DPP10: variants seen among roughly 807,000 people sequenced by gnomAD.
The protein encoded by DPP10 is inactive dipeptidyl peptidase 10.
DPP10 carries 33 observed loss-of-function variants against 120.9 expected under a neutral mutation model. The observed-to-expected ratio is 0.27, with a 90% CI of 0.21 to 0.37. The LOEUF is 0.37. DPP10 is among the 10% of genes least tolerant of loss of function. The pLI, the probability that DPP10 is intolerant of heterozygous loss-of-function variation, is 1.00. For synonymous variants in DPP10, 337 were observed against 326.1 expected, an observed-to-expected ratio of 1.03 and a Z score of -0.36; for missense variants, 816 against 942.8, an observed-to-expected ratio of 0.87 and a Z score of 1.76.
intron 5 of DPP10, among the ~76,000 whole-genome samples, chr2:115,638,370 C>T (rs1314673645): frequency 6.6e-6 from 1 of 152,162 alleles, no homozygotes; most frequent in African/African-American, 2.4e-5. Flanking sequence ...AGAAGGTTAA[C>T]ACAATTTGCA....
chr2:115,529,658 A>G, intron 5 of DPP10, among the ~76,000 whole-genome samples: 1 of 152,260 alleles, frequency 6.6e-6, no homozygotes, highest in South Asian at 2.1e-4. Context: ...AAAAGTAGTA[A>G]AAAATGATCA....
chr2:114,559,891 C>CAAAAAAAAAAAAAAAAAAAAAAAA (rs60833358), intron 1 of DPP10, among the ~76,000 whole-genome samples: 9 of 65,890 alleles, frequency 1.4e-4, no homozygotes, highest in Non-Finnish European at 1.6e-4. Context: ...AGAAAAAAAG[C>CAAAAAAAAAAAAAAAAAAAAAAAA]AAAAAAAAAA....
intron 3 of DPP10, among the ~76,000 whole-genome samples, chr2:115,409,427 A>G (rs1285410075): frequency 6.6e-6 from 1 of 152,220 alleles, no homozygotes; most frequent in Non-Finnish European, 1.5e-5. Flanking sequence ...AACATCACTA[A>G]TGATTAGGGA....
intron 1 of DPP10, among the ~76,000 whole-genome samples, chr2:114,553,345 A>C (rs1229241808): frequency 6.6e-6 from 1 of 152,194 alleles, no homozygotes; most frequent in East Asian, 1.9e-4. Flanking sequence ...AATTGGATCC[A>C]CAGCTGGAGT....
intron 21 of DPP10, among the ~76,000 whole-genome samples, chr2:115,818,119 A>G (rs1418643453): frequency 1.3e-5 from 2 of 152,228 alleles, no homozygotes; most frequent in Non-Finnish European, 2.9e-5. Flanking sequence ...ATGTGAGTGC[A>G]AATGAGAGCA....
At chr2:114,655,052 G>A (rs759806767) in intron 1 of DPP10, among the ~76,000 whole-genome samples, 4 of 152,098 alleles carry the variant, frequency 2.6e-5, no homozygotes. Context: ...TAACTTCGGT[G>A]CTTCATACAC....
chr2:114,702,674 C>G (rs1446530004), intron 1 of DPP10, among the ~76,000 whole-genome samples: 1 of 152,072 alleles, frequency 6.6e-6, no homozygotes, highest in African/African-American at 2.4e-5. Flanking sequence ...TTGTCATATT[C>G]AACGCTGATG....
intron 5 of DPP10, among the ~76,000 whole-genome samples, chr2:115,632,720 A>C (rs1466543018): frequency 6.6e-6 from 1 of 152,206 alleles, no homozygotes; most frequent in East Asian, 1.9e-4. Flanking sequence ...TAAAAAACTT[A>C]AATAAATTTA....
intron 1 of DPP10, among the ~76,000 whole-genome samples, chr2:114,768,426 T>C (rs1282859105): frequency 6.6e-6 from 1 of 152,176 alleles, no homozygotes; most frequent in Non-Finnish European, 1.5e-5. Context: ...ATAATCTCTG[T>C]GTGAGGTTTA....
At chr2:115,040,196 A>G (rs1704531210) in intron 1 of DPP10, among the ~76,000 whole-genome samples, 1 of 152,056 alleles carries the variant, frequency 6.6e-6, no homozygotes, top group Non-Finnish European at 1.5e-5. Flanking sequence ...ACAATTTGAC[A>G]TGAGATTTGG....
chr2:115,099,039 C>T (rs907705430), intron 1 of DPP10, among the ~76,000 whole-genome samples: 12 of 150,500 alleles, frequency 8.0e-5, no homozygotes, highest in African/African-American at 2.2e-4. Context: ...AATCCTAGCA[C>T]TTTGGGAGGC....
chr2:115,433,980 A>G (rs181742787), intron 3 of DPP10, among the ~76,000 whole-genome samples: 21 of 152,114 alleles, frequency 1.4e-4, no homozygotes, highest in African/African-American at 4.6e-4. Flanking sequence ...TCTTTAAATA[A>G]ATAACTTCTG....
chr2:114,796,819 T>G (rs1417873695), intron 1 of DPP10, among the ~76,000 whole-genome samples: 1 of 152,222 alleles, frequency 6.6e-6, no homozygotes, highest in Non-Finnish European at 1.5e-5. Context: ...CAATTTGACT[T>G]TAGGTCCAGT....
intron 5 of DPP10, among the ~76,000 whole-genome samples, chr2:115,583,826 C>G (rs1293979100): frequency 1.3e-5 from 2 of 152,146 alleles, no homozygotes; most frequent in African/African-American, 4.8e-5. Context: ...GATAAGCATG[C>G]TGGTATCTGA....
At chr2:115,543,133 A>G (rs1284477087) in intron 5 of DPP10, among the ~76,000 whole-genome samples, 1 of 151,960 alleles carries the variant, frequency 6.6e-6, no homozygotes, top group Admixed American at 6.6e-5. Context: ...AAGAACAGAG[A>G]TAGCACCTCG....
At chr2:115,501,247 C>T (rs1165772181) in intron 4 of DPP10, among the ~76,000 whole-genome samples, 1 of 152,056 alleles carries the variant, frequency 6.6e-6, no homozygotes, top group Non-Finnish European at 1.5e-5. Flanking sequence ...TTTCCCCCAT[C>T]ACTAATTATG....
chr2:115,064,786 C>G (rs1277421132), intron 1 of DPP10: 2 of 1,304,038 alleles, frequency 1.5e-6, no homozygotes, highest in Admixed American at 2.3e-5. Context: ...GCTGAGGGAC[C>G]AGTAGATGGT....
intron 1 of DPP10, among the ~76,000 whole-genome samples, chr2:114,520,500 C>T (rs771229954): frequency 6.6e-6 from 1 of 152,138 alleles, no homozygotes; most frequent in Non-Finnish European, 1.5e-5. Context: ...TATATCTCTT[C>T]ATTAGGTAAC....
At chr2:115,035,045 A>T (rs550181952) in intron 1 of DPP10, among the ~76,000 whole-genome samples, 11 of 152,354 alleles carry the variant, frequency 7.2e-5, no homozygotes, top group African/African-American at 2.6e-4. Flanking sequence ...CAGTCATGCC[A>T]CTTGGCATTT....
Sources: gnomAD v4.1 joint callset for allele counts (sites outside exome capture counted in the v4.1 genomes callset) on GRCh38, gnomAD v4.1.1 for gene constraint, MANE v1.5 for transcripts, NCBI Gene and HGNC (gene_info 2026-07-23, HGNC 2026-07-21) for gene names.